Variants in PLA2G4A observed in about 807,000 individuals in gnomAD.
PLA2G4A encodes phospholipase A2 group IVA, also known as cytosolic phospholipase A2.
In PLA2G4A, 40 loss-of-function variants were observed where a neutral mutation model predicts 81.9. The ratio of observed to expected loss-of-function variants is 0.49; its 90% CI spans 0.38 to 0.64. The LOEUF is 0.64. Ranked by LOEUF, PLA2G4A falls within the 30% of genes least tolerant of loss-of-function variation. The pLI is 0.00. For missense variants in PLA2G4A, 715 were observed against 905.1 expected (o/e 0.79, Z 2.69); for synonymous variants, 302 against 296.9 (o/e 1.02, Z -0.18).
chr1:186,850,522 G>GCTATA (rs1558360024), intron 1 of PLA2G4A, among the ~76,000 whole-genome samples: 1 of 58,404 alleles, frequency 1.7e-5, no homozygotes, highest in East Asian at 4.6e-4. Context: ...AAGGTAAGAA[G>GCTATA]TCTTATATAC....
intron 1 of PLA2G4A, 56 bp downstream of exon 1, chr1:186,829,091 TC>T (rs1295022523): frequency 2.0e-5 from 3 of 152,212 alleles, no homozygotes; most frequent in African/African-American, 7.2e-5. Context: ...CACTTCTCTC[TC>T]CCACCCTCCT....
chr1:186,988,278 T>G, intron 17 of PLA2G4A, 99 bp from the exon 18 acceptor site: 1 of 896,838 alleles, frequency 1.1e-6, no homozygotes, highest in Non-Finnish European at 1.7e-6. Context: ...TCAAAAGGAA[T>G]ACTCTAATAA....
At chr1:186,877,694 A>G (rs1653552819) in intron 3 of PLA2G4A, among the ~76,000 whole-genome samples, 1 of 104,594 alleles carries the variant, frequency 9.6e-6, no homozygotes, top group Non-Finnish European at 1.8e-5. Context: ...CTAAGGCCTG[A>G]GGCTTACTCA....
At chr1:186,880,710 A>G (rs1653698387) in intron 3 of PLA2G4A, among the ~76,000 whole-genome samples, 1 of 152,064 alleles carries the variant, frequency 6.6e-6, no homozygotes, top group Admixed American at 6.6e-5. Context: ...ATATGAATAA[A>G]TTAATATGTT....
At chr1:186,882,417 C>G (rs1210264561) in intron 3 of PLA2G4A, among the ~76,000 whole-genome samples, 1 of 152,122 alleles carries the variant, frequency 6.6e-6, no homozygotes, top group African/African-American at 2.4e-5. Context: ...GCTAAAACGT[C>G]AAAAGAAAAC....
In PLA2G4A at chr1:186,950,642, G is replaced by A. The variant is rs779129664; in HGVS notation, c.1265-15G>A. 2.0e-6 allele frequency: 3 copies of A among 1,484,022 alleles called. No individual in the cohort carries two copies. The East Asian group carries it at 6.8e-5, about 34-fold the overall frequency. 91.9% of individuals were successfully genotyped at this position (1,484,022 alleles called of 1,614,324 possible). Reference sequence around the variant, plus strand: ...ACACCTGAAATGCTTCAATTTTTTTGTTTTCTTTTCACAGAAAATATTACC... The same window carrying A: ...ACACCTGAAATGCTTCAATTTTTTTATTTTCTTTTCACAGAAAATATTACC... On this transcript the variant is annotated splice_polypyrimidine_tract_variant and intron_variant, in intron 12 of 17. Coordinates refer to ENST00000367466, the MANE Select transcript of PLA2G4A (RefSeq NM_024420.3).
intron 10 of PLA2G4A, among the ~76,000 whole-genome samples, chr1:186,944,590 CA>C (rs1175380440): frequency 1.3e-5 from 2 of 152,074 alleles, no homozygotes; most frequent in Non-Finnish European, 2.9e-5. Flanking sequence ...ATATATGTAC[CA>C]TTTGGCTTTG....
At chr1:186,932,999 T>G in intron 8 of PLA2G4A, 100 bp downstream of exon 8, 1 of 867,026 alleles carries the variant, frequency 1.2e-6, no homozygotes. Flanking sequence ...AAATTGATCA[T>G]TAATTTAAAT....
Position 186,956,152 on chromosome 1 carries a change from A to G in PLA2G4A, c.1387A>G (p.Ser463Gly). ...GSDYQSDNQA[S>G]WIHRMIMALV... ...TGACTATCAAAGTGATAATCAAGCA[A>G]GTTGGATTCATCGTATGATAATGGC... is the stretch of plus-strand genomic sequence containing the variant. The change falls in exon 14 of 18, where the codon AGT becomes GGT. Residue 463 changes from serine (S) to glycine (G), a missense_variant. Physicochemically the swap from Ser to Gly is moderately conservative, Grantham distance 56 (BLOSUM62 0). Transcript: ENST00000367466. 1 of 1,612,692 alleles carries G rather than the reference A, an allele frequency of 6.2e-7. No homozygotes were observed. Among genetic ancestry groups the G allele is most frequent in the Non-Finnish European group, 8.5e-7 (1 of 1,178,668 alleles).
chr1:186,918,155 AG>A (rs1351684326), intron 7 of PLA2G4A, among the ~76,000 whole-genome samples: 2 of 152,152 alleles, frequency 1.3e-5, no homozygotes, highest in East Asian at 3.9e-4. Flanking sequence ...TGAGGGAGTA[AG>A]GGGGCTGCTA....
chr1:186,859,022 A>G (rs1420297638), intron 2 of PLA2G4A, among the ~76,000 whole-genome samples: 1 of 152,150 alleles, frequency 6.6e-6, no homozygotes, highest in African/African-American at 2.4e-5. Flanking sequence ...AGCACACTCA[A>G]CACTGAATGA....
Position 186,917,137 on chromosome 1 carries a change from T to C in PLA2G4A, c.558+5748T>C, listed in dbSNP as rs571597134. Among the ~76,000 whole-genome samples the C allele has an allele frequency of 1.6e-4, 24 of 152,232 alleles. No individual in the cohort carries two copies. The East Asian group carries it at 4.6e-3, about 29-fold the overall frequency. ...TGTTCAGGATGATGGTCTGAGGTCC[T>C]TTCCACCGTGGCCGCAAAGGGGCTA... is the stretch of plus-strand genomic sequence containing the variant. On this transcript the variant is annotated intron_variant, in intron 7 of 17. Transcript: ENST00000367466.
intron 5 of PLA2G4A, among the ~76,000 whole-genome samples, chr1:186,902,978 C>T (rs897475218): frequency 1.3e-5 from 2 of 151,864 alleles, no homozygotes; most frequent in Admixed American, 1.3e-4. Context: ...TGTGAGTTTG[C>T]ATGTATTGAT....
chr1:186,895,052 G>A (rs1303644310), intron 5 of PLA2G4A, among the ~76,000 whole-genome samples: 1 of 152,090 alleles, frequency 6.6e-6, no homozygotes, highest in East Asian at 1.9e-4. Context: ...TCTCCATGTT[G>A]CCTTTCCTGT....
At chr1:186,871,479 C>G (rs1414576552) in intron 3 of PLA2G4A, among the ~76,000 whole-genome samples, 1 of 152,030 alleles carries the variant, frequency 6.6e-6, no homozygotes, top group East Asian at 1.9e-4. Context: ...AATGTATCGT[C>G]CAGGAAACAG....
chr1:186,925,561 C>G (rs935381486), intron 7 of PLA2G4A, among the ~76,000 whole-genome samples: 1 of 152,102 alleles, frequency 6.6e-6, no homozygotes, highest in Non-Finnish European at 1.5e-5. Flanking sequence ...GTACAGCGCT[C>G]CCTCTTGCTG....
intron 8 of PLA2G4A, among the ~76,000 whole-genome samples, chr1:186,938,609 A>C (rs1009074685): frequency 6.6e-6 from 1 of 152,174 alleles, no homozygotes; most frequent in African/African-American, 2.4e-5. Flanking sequence ...CTGGAAATTT[A>C]GATGATCAGA....
At chr1:186,916,436 C>A (rs943225181) in intron 7 of PLA2G4A, among the ~76,000 whole-genome samples, 5 of 152,158 alleles carry the variant, frequency 3.3e-5, no homozygotes, top group Non-Finnish European at 5.9e-5. Context: ...TAATTCATGA[C>A]AAATGTACTT....
intron 5 of PLA2G4A, among the ~76,000 whole-genome samples, chr1:186,896,002 T>C (rs1654320122): frequency 1.3e-5 from 2 of 151,326 alleles, no homozygotes; most frequent in African/African-American, 4.8e-5. Context: ...ATATATAATA[T>C]AATGTATATT....
Sources: allele counts gnomAD v4.1 joint callset (sites outside exome capture counted in the v4.1 genomes callset), GRCh38; gene constraint gnomAD v4.1.1; transcripts MANE v1.5; gene names NCBI Gene and HGNC (gene_info 2026-07-23, HGNC 2026-07-21).